The following JAM3 variants were observed in gnomAD, a reference collection of about 807,000 sequenced individuals.
JAM3 encodes the protein junctional adhesion molecule C.
Under a neutral mutation model 39.4 loss-of-function variants are expected in JAM3, and 31 were observed. The observed-to-expected ratio is 0.79, with a 90% CI of 0.59 to 1.06. JAM3 has a LOEUF of 1.06. Ranked by LOEUF, JAM3 falls within the 50% of genes least tolerant of loss-of-function variation. The pLI is 0.00. For synonymous variants in JAM3, 182 were observed against 148.7 expected (o/e 1.22, Z -1.63); for missense variants, 455 against 391.4 (o/e 1.16, Z -1.37).
At chr11:134,139,556 C>T (rs1942935400) in intron 1 of JAM3, 1 of 406,746 alleles carries the variant, frequency 2.5e-6, no homozygotes, top group African/African-American at 2.1e-5. Context: ...GTCGAAGGGT[C>T]AATAGGAAAT....
At chr11:134,091,904 T>A (rs2120640821) in intron 1 of JAM3, among the ~76,000 whole-genome samples, 1 of 151,664 alleles carries the variant, frequency 6.6e-6, no homozygotes, top group South Asian at 2.1e-4. Context: ...TTGAAAAGTG[T>A]GCATAAAAAT....
rs199719929 is a variant in JAM3 at position 134,117,071 on chromosome 11, AC to A, written c.77-22779del. On this transcript the variant is annotated intron_variant, in intron 1 of 8. Transcript: ENST00000299106. Reference sequence around the variant, plus strand: ...CATGAAAAAGAAACTTAAAAAAAAAACAATCCACGGCCAGGCACAGTGGCTC... The same window carrying A: ...CATGAAAAAGAAACTTAAAAAAAAAAAATCCACGGCCAGGCACAGTGGCTC... 3.3e-3 allele frequency among the ~76,000 whole-genome samples: 504 copies of A among 151,000 alleles called. 6 individuals carry two copies. Among genetic ancestry groups the A allele is most frequent in the East Asian group, 0.011 (57 of 5,110 alleles).
At chr11:134,125,027 GGCGGCGGC>G (rs1942618414) in intron 1 of JAM3, among the ~76,000 whole-genome samples, 1 of 152,184 alleles carries the variant, frequency 6.6e-6, no homozygotes, top group Non-Finnish European at 1.5e-5. Flanking sequence ...CCCGCCCGGT[GGCGGCGGC>G]GCGTCTCCAC....
At chr11:134,103,591 C>A (rs1942120457) in intron 1 of JAM3, among the ~76,000 whole-genome samples, 1 of 152,118 alleles carries the variant, frequency 6.6e-6, no homozygotes, top group Admixed American at 6.6e-5. Context: ...AGTCAAGACC[C>A]ATCAGTGTGC....
At chr11:134,135,212 C>T (rs1444404955) in intron 1 of JAM3, among the ~76,000 whole-genome samples, 1 of 152,228 alleles carries the variant, frequency 6.6e-6, no homozygotes, top group African/African-American at 2.4e-5. Flanking sequence ...ATATAAGGGT[C>T]TAACTTCATC....
chr11:134,083,442 A>C (rs542944945), intron 1 of JAM3, among the ~76,000 whole-genome samples: 2 of 152,262 alleles, frequency 1.3e-5, no homozygotes, highest in African/African-American at 2.4e-5. Flanking sequence ...AGTATCCCAC[A>C]TGCTGTTTGC....
intron 1 of JAM3, among the ~76,000 whole-genome samples, chr11:134,138,840 TAGAA>T (rs1942921706): frequency 6.6e-6 from 1 of 152,172 alleles, no homozygotes; most frequent in Admixed American, 6.5e-5. Context: ...TCTGACTATT[TAGAA>T]AGAAAAGATC....
At chr11:134,085,252 C>G (rs1404972081) in intron 1 of JAM3, among the ~76,000 whole-genome samples, 2 of 152,154 alleles carry the variant, frequency 1.3e-5, no homozygotes, top group Admixed American at 6.6e-5. Flanking sequence ...CCTTAAAACT[C>G]TGCATGATTT....
chr11:134,070,784 T>C (rs566300878), intron 1 of JAM3, among the ~76,000 whole-genome samples: 1 of 152,368 alleles, frequency 6.6e-6, no homozygotes, highest in East Asian at 1.9e-4. Flanking sequence ...TTAATAAAAC[T>C]AGAAAATGCA....
At chr11:134,094,888 C>CA (rs1194033122) in intron 1 of JAM3, among the ~76,000 whole-genome samples, 1 of 152,124 alleles carries the variant, frequency 6.6e-6, no homozygotes, top group African/African-American at 2.4e-5. Context: ...GCTAGATGCT[C>CA]AATAATGTTC....
intron 1 of JAM3, among the ~76,000 whole-genome samples, chr11:134,101,137 C>T (rs1942065560): frequency 6.6e-6 from 1 of 152,114 alleles, no homozygotes; most frequent in Non-Finnish European, 1.5e-5. Flanking sequence ...TGTTCTTACC[C>T]ATCTTCAAAC....
chr11:134,126,146 T>G (rs550068536), intron 1 of JAM3, among the ~76,000 whole-genome samples: 2 of 152,302 alleles, frequency 1.3e-5, no homozygotes, highest in South Asian at 4.1e-4. Flanking sequence ...AGCATAGATT[T>G]TCCTTGTGGA....
intron 1 of JAM3, among the ~76,000 whole-genome samples, chr11:134,133,904 G>A (rs551359716): frequency 3.3e-5 from 5 of 152,184 alleles, no homozygotes; most frequent in Non-Finnish European, 5.9e-5. Context: ...AGGAAATGGA[G>A]CAAGCATCAG....
At chr11:134,087,278 G>A (rs1348071644) in intron 1 of JAM3, among the ~76,000 whole-genome samples, 1 of 152,054 alleles carries the variant, frequency 6.6e-6, no homozygotes, top group East Asian at 1.9e-4. Flanking sequence ...TGGAAGAAAA[G>A]GAAAACACTG....
chr11:134,104,266 A>G (rs537446020), intron 1 of JAM3, among the ~76,000 whole-genome samples: 2 of 152,224 alleles, frequency 1.3e-5, no homozygotes, highest in African/African-American at 4.8e-5. Flanking sequence ...TACTGGGTAC[A>G]TAACAAAATG....
At chr11:134,119,706 G>A (rs1005964194) in intron 1 of JAM3, among the ~76,000 whole-genome samples, 3 of 152,050 alleles carry the variant, frequency 2.0e-5, no homozygotes, top group African/African-American at 4.8e-5. Context: ...GGTGAGGCCC[G>A]CCCTCATTAT....
intron 1 of JAM3, chr11:134,126,248 C>T (rs1372421157): frequency 6.6e-6 from 1 of 152,184 alleles, no homozygotes; most frequent in Non-Finnish European, 1.5e-5. Flanking sequence ...ATCCCAAGGT[C>T]CTCTGGCTCT....
chr11:134,084,442 A>T (rs1401885761), intron 1 of JAM3, among the ~76,000 whole-genome samples: 2 of 152,198 alleles, frequency 1.3e-5, no homozygotes. Context: ...CAAAATACTG[A>T]CTATATATAA....
intron 1 of JAM3, among the ~76,000 whole-genome samples, chr11:134,071,774 A>G (rs922507462): frequency 6.6e-6 from 1 of 152,116 alleles, no homozygotes; most frequent in East Asian, 1.9e-4. Flanking sequence ...ATATTCTTTT[A>G]TGTTCTAATT....
Sources: gnomAD v4.1 joint callset for allele counts (sites outside exome capture counted in the v4.1 genomes callset) on GRCh38, gnomAD v4.1.1 for gene constraint, MANE v1.5 for transcripts, NCBI Gene and HGNC (gene_info 2026-07-23, HGNC 2026-07-21) for gene names.